Variants in CNGB3 observed in about 807,000 individuals in gnomAD.
The protein encoded by CNGB3 is cyclic nucleotide-gated channel beta-3.
A neutral mutation model predicts 92.8 loss-of-function variants in CNGB3; 86 were observed. The ratio of observed to expected loss-of-function variants is 0.93; its 90% CI spans 0.78 to 1.11. CNGB3 has a LOEUF of 1.11. CNGB3 is among the 50% of genes least tolerant of loss of function. The pLI is 0.00. For synonymous variants in CNGB3, 333 were observed against 332.7 expected (o/e 1.00, Z -0.01); for missense variants, 1,026 against 956.8 (o/e 1.07, Z -0.95).
chr8:86,686,233 T>A (rs1293424170), intron 3 of CNGB3, among the ~76,000 whole-genome samples: 1 of 152,090 alleles, frequency 6.6e-6, no homozygotes, highest in Non-Finnish European at 1.5e-5. Flanking sequence ...GAATATTCAA[T>A]TCAAATAGCC....
At chr8:86,650,290 A>G (rs972007385) in intron 7 of CNGB3, among the ~76,000 whole-genome samples, 1 of 151,462 alleles carries the variant, frequency 6.6e-6, no homozygotes, top group Non-Finnish European at 1.5e-5. Flanking sequence ...CAACTCCTCT[A>G]TGATTACAGT....
chr8:86,634,288 A>C (rs1277354376), intron 10 of CNGB3, among the ~76,000 whole-genome samples: 2 of 152,190 alleles, frequency 1.3e-5, no homozygotes, highest in African/African-American at 2.4e-5. Flanking sequence ...AATTTATTAG[A>C]AACTAGGCTT....
In CNGB3 at chr8:86,712,687, A is replaced by C. The variant is rs114157890; in HGVS notation, c.338+13844T>G. The stretch of plus-strand genomic sequence containing the variant: ...CTTTTTAAATTATAGAAGTTTAAAT[A>C]GGTTATAATATCTGGTAGGAATACT... On this transcript the variant is annotated intron_variant, in intron 3 of 17. Coordinates refer to ENST00000320005, the MANE Select transcript of CNGB3 (RefSeq NM_019098.5). 8.9e-3 allele frequency among the ~76,000 whole-genome samples: 1,350 copies of C among 151,752 alleles called. 16 individuals carry two copies. Among genetic ancestry groups the C allele is most frequent in the African/African-American group, 0.03 (1,244 of 41,440 alleles).
chr8:86,679,910 A>C (rs1466428357), intron 3 of CNGB3, among the ~76,000 whole-genome samples: 1 of 152,194 alleles, frequency 6.6e-6, no homozygotes, highest in Non-Finnish European at 1.5e-5. Context: ...CCATATGGAA[A>C]TACAGCAAGA....
chr8:86,625,435 T>C (rs995106188), intron 13 of CNGB3, among the ~76,000 whole-genome samples: 3 of 152,210 alleles, frequency 2.0e-5, no homozygotes, highest in African/African-American at 7.2e-5. Flanking sequence ...ATATGTGATA[T>C]AATGCACAAA....
In CNGB3 at chr8:86,625,381, G is replaced by A. The variant is rs532728426; in HGVS notation, c.1578+602C>T. 5.3e-5 allele frequency among the ~76,000 whole-genome samples: 8 copies of A among 152,056 alleles called. No individual in the cohort carries two copies. In the South Asian group the frequency reaches 1.0e-3, roughly 20 times the overall value. On this transcript the variant is annotated intron_variant, in intron 13 of 17. Transcript: ENST00000320005. ...AATGAATTAATTGAATGGATGAGTC[G>A]GTGAATGCTATACCCAGAAGGAAAT...
chr8:86,631,863 A>T (rs1205916822), intron 11 of CNGB3, among the ~76,000 whole-genome samples: 1 of 152,174 alleles, frequency 6.6e-6, no homozygotes, highest in Non-Finnish European at 1.5e-5. Flanking sequence ...TGTTAATATC[A>T]GGGACTTTGC....
At chr8:86,661,432 A>G in intron 6 of CNGB3, 1 of 494,180 alleles carries the variant, frequency 2.0e-6, no homozygotes, top group East Asian at 4.8e-5. Context: ...GACCTGTTTT[A>G]TGTTTTATAA....
At chr8:86,719,153 A>T (rs1824918543) in intron 3 of CNGB3, among the ~76,000 whole-genome samples, 1 of 152,064 alleles carries the variant, frequency 6.6e-6, no homozygotes, top group South Asian at 2.1e-4. Context: ...TTAACATAGT[A>T]CTGAAAGTCA....
intron 3 of CNGB3, among the ~76,000 whole-genome samples, chr8:86,722,466 T>A (rs1358881692): frequency 6.6e-6 from 1 of 152,126 alleles, no homozygotes; most frequent in African/African-American, 2.4e-5. Context: ...ACCTATACAG[T>A]TTCAATTCCT....
intron 13 of CNGB3, among the ~76,000 whole-genome samples, chr8:86,620,626 G>A (rs1822706344): frequency 1.3e-5 from 2 of 152,066 alleles, no homozygotes; most frequent in Admixed American, 1.3e-4. Flanking sequence ...GGGCTCCTAC[G>A]CATCCTTCTA....
At chr8:86,642,924 C>A (rs1440380193) in intron 10 of CNGB3, among the ~76,000 whole-genome samples, 1 of 151,556 alleles carries the variant, frequency 6.6e-6, no homozygotes, top group East Asian at 1.9e-4. Context: ...AAACCCTTCA[C>A]TGGTAAACTA....
intron 8 of CNGB3, among the ~76,000 whole-genome samples, chr8:86,647,283 G>A (rs1169968588): frequency 6.6e-6 from 1 of 150,746 alleles, no homozygotes; most frequent in African/African-American, 2.4e-5. Context: ...TTATATTCAA[G>A]TATGTAAGTA....
chr8:86,650,048 C>T (rs778319128), intron 7 of CNGB3, among the ~76,000 whole-genome samples: 1 of 150,948 alleles, frequency 6.6e-6, no homozygotes, highest in Non-Finnish European at 1.5e-5. Flanking sequence ...AAAAAAATGC[C>T]CCCCCGCCCA....
chr8:86,684,738 A>G (rs371895103), intron 3 of CNGB3, among the ~76,000 whole-genome samples: 2 of 152,040 alleles, frequency 1.3e-5, no homozygotes, highest in African/African-American at 4.8e-5. Flanking sequence ...TTAAAAGCCA[A>G]TCTCTAAAGA....
rs62528587 is a variant in CNGB3, at chr8:86,651,299, C to T, written c.903+2713G>A. Among the ~76,000 whole-genome samples the T allele has an allele frequency of 8.4e-3, 1,277 of 151,824 alleles. 6 individuals are homozygous for T. The highest frequency in any genetic ancestry group is 0.014 in the Non-Finnish European group (918 of 67,762). ...CCAAAAACCACTTGTACCCCAAAAGCATAGAGTTGAGATAATTAATTGCCT... is the reference window on the plus strand; with the variant it reads ...CCAAAAACCACTTGTACCCCAAAAGTATAGAGTTGAGATAATTAATTGCCT... On this transcript the variant is annotated intron_variant, in intron 7 of 17. Transcript: ENST00000320005.
At chr8:86,635,821 G>T (rs867576840) in intron 10 of CNGB3, among the ~76,000 whole-genome samples, 2,703 of 60,444 alleles carry the variant, frequency 0.045, 81 homozygotes, top group Non-Finnish European at 0.06. Flanking sequence ...TATAACACAT[G>T]ATATATATAT....
At chr8:86,663,626 T>C (rs3779792) in intron 6 of CNGB3, among the ~76,000 whole-genome samples, 17,980 of 152,194 alleles carry the variant, frequency 0.12, 1,675 homozygotes, top group African/African-American at 0.26. Flanking sequence ...AATAAATGTC[T>C]CTTGAATGAA....
chr8:86,733,020 C>A (rs181491934), intron 2 of CNGB3, among the ~76,000 whole-genome samples: 27 of 151,312 alleles, frequency 1.8e-4, no homozygotes, highest in Admixed American at 5.9e-4. Flanking sequence ...TTTAACTTTT[C>A]TTTTTTTTTG....
Sources: allele counts gnomAD v4.1 joint callset (sites outside exome capture counted in the v4.1 genomes callset), GRCh38; gene constraint gnomAD v4.1.1; transcripts MANE v1.5; gene names NCBI Gene and HGNC (gene_info 2026-07-23, HGNC 2026-07-21).